The following GFRA2 variants were observed in gnomAD, a reference collection of about 807,000 sequenced individuals.
GFRA2 encodes the protein GDNF family receptor alpha-2.
Under a neutral mutation model 48.3 loss-of-function variants are expected in GFRA2, and 17 were observed. The ratio of observed to expected loss-of-function variants is 0.35; its 90% CI spans 0.24 to 0.53. The LOEUF is 0.53. Among genes scored for constraint, GFRA2 ranks in the 20% least tolerant of loss-of-function variants. The pLI, the probability that GFRA2 is intolerant of heterozygous loss-of-function variation, is 0.93. For synonymous variants in GFRA2, 305 were observed against 257.2 expected, an observed-to-expected ratio of 1.19 and a Z score of -1.78; for missense variants, 660 against 637.3, an observed-to-expected ratio of 1.04 and a Z score of -0.38.
chr8:21,738,905 T>TC (rs1270477093), intron 4 of GFRA2, among the ~76,000 whole-genome samples: 2 of 152,188 alleles, frequency 1.3e-5, no homozygotes, highest in Non-Finnish European at 2.9e-5. Flanking sequence ...CTGAATGGAC[T>TC]CCAGAGCTTC....
rs1283642598 is a variant in GFRA2 at position 21,758,959 on chromosome 8, T to C, written c.440-8017A>G. On this transcript the variant is annotated intron_variant, in intron 3 of 8. Coordinates refer to ENST00000524240, the MANE Select transcript of GFRA2 (RefSeq NM_001495.5). ...AGGAGCAGAACCGGAGTCCCTGCAT[T>C]AGTAGCCAGTCAACAAATATTTTCA... Among the ~76,000 whole-genome samples, 4 of 152,126 alleles carry C rather than the reference T, an allele frequency of 2.6e-5. No individual in the cohort carries two copies. The East Asian group carries it at 7.7e-4, about 29-fold the overall frequency.
chr8:21,811,752 C>T (rs936255689), intron 1 of GFRA2, among the ~76,000 whole-genome samples: 3 of 151,620 alleles, frequency 2.0e-5, no homozygotes, highest in African/African-American at 7.3e-5. Context: ...CCCCCAACCT[C>T]CAGCCCCCTC....
intron 3 of GFRA2, among the ~76,000 whole-genome samples, chr8:21,756,656 T>C (rs1315218936): frequency 6.6e-6 from 1 of 152,092 alleles, no homozygotes; most frequent in Non-Finnish European, 1.5e-5. Context: ...GGTGGGGGAT[T>C]CTAAATACAA....
chr8:21,774,503 T>C (rs1333564916), intron 3 of GFRA2, among the ~76,000 whole-genome samples: 1 of 152,200 alleles, frequency 6.6e-6, no homozygotes, highest in African/African-American at 2.4e-5. Context: ...TGATGCTGAC[T>C]GATGCGGCGT....
In GFRA2 at chr8:21,786,994, T is replaced by TCA. The variant is rs1394752597; in HGVS notation, c.40+1124_40+1125dup. ...AGACGTGTGCTCCTTACAAACACAC[T>TCA]CACACACACACACACATACACAGTA... On this transcript the variant is annotated intron_variant, in intron 1 of 8. Coordinates refer to ENST00000524240, the MANE Select transcript of GFRA2 (RefSeq NM_001495.5). 2.2e-3 allele frequency among the ~76,000 whole-genome samples: 324 copies of TCA among 150,174 alleles called. 1 individual carries two copies. Among genetic ancestry groups the TCA allele is most frequent in the Middle Eastern group, 6.9e-3 (2 of 288 alleles).
chr8:21,806,346 C>T (rs1807865923), intron 1 of GFRA2, among the ~76,000 whole-genome samples: 1 of 152,162 alleles, frequency 6.6e-6, no homozygotes. Context: ...AAATATTCAA[C>T]ACTTTGTTAT....
At chr8:21,724,280 G>A (rs553857063) in intron 4 of GFRA2, among the ~76,000 whole-genome samples, 6 of 152,238 alleles carry the variant, frequency 3.9e-5, no homozygotes, top group Non-Finnish European at 7.4e-5. Flanking sequence ...TTGGCCTACC[G>A]GAGGTATACC....
At chr8:21,696,014 A>G (rs373548958) in intron 7 of GFRA2, among the ~76,000 whole-genome samples, 2 of 150,764 alleles carry the variant, frequency 1.3e-5, no homozygotes, top group East Asian at 3.9e-4. Context: ...CCTACCCCCA[A>G]CAGAGCTCAC....
chr8:21,782,948 TC>T, intron 1 of GFRA2, 49 bp from the exon 2 acceptor site: 1 of 1,499,120 alleles, frequency 6.7e-7, no homozygotes, highest in Non-Finnish European at 9.0e-7. Context: ...CGCCACAATC[TC>T]CCACCCAAGA....
At chr8:21,751,014 A>T in intron 3 of GFRA2, 72 bp from the exon 4 acceptor site, 1 of 1,002,294 alleles carries the variant, frequency 1.0e-6, no homozygotes, top group Non-Finnish European at 1.5e-6. Context: ...CCCTCACTGG[A>T]AGATGTCTCC....
chr8:21,747,786 ACACACACAC>A (rs1805082387), intron 4 of GFRA2, among the ~76,000 whole-genome samples: 3 of 151,118 alleles, frequency 2.0e-5, no homozygotes, highest in African/African-American at 7.4e-5. Flanking sequence ...ACACACACAC[ACACACACAC>A]ACACACGCAT....
chr8:21,784,597 C>T (rs1585340498), intron 1 of GFRA2, among the ~76,000 whole-genome samples: 1 of 152,158 alleles, frequency 6.6e-6, no homozygotes, highest in South Asian at 2.1e-4. Flanking sequence ...CCATCCACTC[C>T]CGGTGGGACC....
chr8:21,788,853 T>G lies in GFRA2; in HGVS notation c.-694A>C. 2 of 951,446 alleles carry G rather than the reference T, an allele frequency of 2.1e-6. No homozygotes were observed. Among genetic ancestry groups the G allele is most frequent in the South Asian group, 4.9e-5 (1 of 20,594 alleles). The allele number at this position is 951,446 out of a possible 1,614,324, so 58.9% of individuals were successfully genotyped here. The stretch of plus-strand genomic sequence containing the variant: ...TCTCTCCTCTCCCTCGCTCGCTCTT[T>G]GCTCTCGCTCTCTCCAGCTCTCCCT... On this transcript the variant is annotated 5_prime_UTR_variant, in exon 1 of 9. Coordinates refer to ENST00000524240, the MANE Select transcript of GFRA2 (RefSeq NM_001495.5).
intron 3 of GFRA2, among the ~76,000 whole-genome samples, chr8:21,752,098 A>AT (rs1224244259): frequency 4.0e-5 from 6 of 151,712 alleles, no homozygotes; most frequent in Non-Finnish European, 8.8e-5. Flanking sequence ...GAGACAGCTC[A>AT]TTTTTTTCTC....
At chr8:21,734,878 T>A (rs1804372809) in intron 4 of GFRA2, among the ~76,000 whole-genome samples, 1 of 152,198 alleles carries the variant, frequency 6.6e-6, no homozygotes, top group Admixed American at 6.5e-5. Flanking sequence ...AAGGGAAAAT[T>A]CAAGCTGGGA....
At chr8:21,718,719 G>A (rs1803453302) in intron 4 of GFRA2, among the ~76,000 whole-genome samples, 1 of 152,162 alleles carries the variant, frequency 6.6e-6, no homozygotes, top group African/African-American at 2.4e-5. Context: ...TCACTGAGTG[G>A]TAATCGAACA....
chr8:21,772,997 G>T, intron 3 of GFRA2, among the ~76,000 whole-genome samples: 1 of 152,194 alleles, frequency 6.6e-6, no homozygotes, highest in Non-Finnish European at 1.5e-5. Context: ...GTAGAATGTG[G>T]GTGCATCTGG....
At chr8:21,779,454 TC>T (rs1384580273) in intron 2 of GFRA2, 1 of 152,152 alleles carries the variant, frequency 6.6e-6, no homozygotes, top group Admixed American at 6.5e-5. Context: ...TCCTGTTCTC[TC>T]CCCTGTCCAC....
intron 3 of GFRA2, among the ~76,000 whole-genome samples, chr8:21,762,071 G>T (rs1325289828): frequency 6.6e-6 from 1 of 152,112 alleles, no homozygotes; most frequent in African/African-American, 2.4e-5. Context: ...AGTCCCTTGT[G>T]CTCCGGCCTC....
Sources: allele counts gnomAD v4.1 joint callset (sites outside exome capture counted in the v4.1 genomes callset), GRCh38; gene constraint gnomAD v4.1.1; transcripts MANE v1.5; gene names NCBI Gene and HGNC (gene_info 2026-07-23, HGNC 2026-07-21).